The following FMNL2 variants were observed in gnomAD, a reference collection of about 807,000 sequenced individuals.
The protein encoded by FMNL2 is formin-like protein 2.
A neutral mutation model predicts 130.2 loss-of-function variants in FMNL2; 51 were observed. The observed-to-expected ratio is 0.39, with a 90% CI of 0.31 to 0.49. FMNL2 has a LOEUF of 0.49. Among genes scored for constraint, FMNL2 ranks in the 20% least tolerant of loss-of-function variants. The probability of loss-of-function intolerance (pLI) is 0.85; values close to 1 mark genes in which losing one functional copy is unlikely to be tolerated. For synonymous variants in FMNL2, 465 were observed against 467.1 expected (o/e 1.00, Z 0.06); for missense variants, 977 against 1,316.2 (o/e 0.74, Z 3.99).
intron 22 of FMNL2, 130 bp from the exon 23 acceptor site, chr2:152,637,443 G>A: frequency 2.9e-6 from 2 of 687,338 alleles, no homozygotes; most frequent in Non-Finnish European, 5.1e-6. Context: ...TGGGAGGTAA[G>A]GGAGGTGCAG....
intron 9 of FMNL2, among the ~76,000 whole-genome samples, chr2:152,600,782 A>T (rs1175538060): frequency 6.6e-6 from 1 of 151,842 alleles, no homozygotes; most frequent in East Asian, 1.9e-4. Context: ...CCTTTACATG[A>T]AAATGAATCT....
At chr2:152,529,753 G>C (rs1157238406) in intron 2 of FMNL2, among the ~76,000 whole-genome samples, 1 of 152,150 alleles carries the variant, frequency 6.6e-6, no homozygotes, top group Admixed American at 6.6e-5. Flanking sequence ...CTACCCTACA[G>C]AGATTGGAGT....
rs760906377 is a variant in FMNL2 at position 152,619,123 on chromosome 2, C to T, written c.1592C>T (p.Pro531Leu). Residue 531 changes from proline to leucine, a missense_variant, in exon 14 of 26, where the codon CCA (proline) becomes CTA (leucine). This residue lies in a region of FMNL2 where 689 missense variants were observed against 995.9 expected (regional missense o/e 0.69). Coordinates refer to ENST00000288670, the MANE Select transcript of FMNL2 (RefSeq NM_052905.4). ...ASSGPLPPPP[P>L]PLPPSSDTPE... is the part of the protein sequence containing the mutation. Reference sequence around the variant, plus strand: ...TCAGGACCCTTGCCCCCTCCTCCACCACCACTGCCTCCCTCATCAGACACA... The same window carrying T: ...TCAGGACCCTTGCCCCCTCCTCCACTACCACTGCCTCCCTCATCAGACACA... 1 of 1,595,920 alleles carries T rather than the reference C, an allele frequency of 6.3e-7. No individual in the cohort carries two copies. Among genetic ancestry groups the T allele is most frequent in the Admixed American group, 1.7e-5 (1 of 57,408 alleles).
At chr2:152,470,987 A>T (rs531208442) in intron 1 of FMNL2, among the ~76,000 whole-genome samples, 1 of 152,330 alleles carries the variant, frequency 6.6e-6, no homozygotes, top group Admixed American at 6.5e-5. Context: ...CCACCAGCTA[A>T]CTGTCATTGC....
chr2:152,592,425 C>G (rs1453426928), intron 9 of FMNL2, among the ~76,000 whole-genome samples: 1 of 152,058 alleles, frequency 6.6e-6, no homozygotes, highest in Non-Finnish European at 1.5e-5. Flanking sequence ...ATGTGGGGGT[C>G]TCTCGTCAAT....
At chr2:152,632,681 G>T (rs1005995221) in intron 21 of FMNL2, among the ~76,000 whole-genome samples, 1 of 152,146 alleles carries the variant, frequency 6.6e-6, no homozygotes, top group Non-Finnish European at 1.5e-5. Flanking sequence ...AGAAAATTGA[G>T]ATTTTTCGAG....
chr2:152,620,947 A>C, intron 15 of FMNL2: 2 of 985,428 alleles, frequency 2.0e-6, no homozygotes, highest in South Asian at 4.7e-5. Context: ...TTCCCCGTCT[A>C]CCACTTTCTT....
At chr2:152,408,103 T>C (rs1686090766) in intron 1 of FMNL2, among the ~76,000 whole-genome samples, 1 of 152,206 alleles carries the variant, frequency 6.6e-6, no homozygotes, top group Non-Finnish European at 1.5e-5. Context: ...GGATTAGTGT[T>C]GTTCCCAGCT....
intron 23 of FMNL2, 76 bp downstream of exon 23, chr2:152,637,750 C>A: frequency 7.8e-7 from 1 of 1,285,870 alleles, no homozygotes; most frequent in Non-Finnish European, 1.1e-6. Context: ...TCCCAACTCT[C>A]TGCAGAGGCC....
intron 6 of FMNL2, among the ~76,000 whole-genome samples, chr2:152,566,706 A>T (rs940387482): frequency 2.0e-5 from 3 of 152,206 alleles, no homozygotes; most frequent in Non-Finnish European, 4.4e-5. Flanking sequence ...TTAAGTATAT[A>T]TATGTTTGTG....
At chr2:152,431,965 TAAAA>T (rs60639670) in intron 1 of FMNL2, among the ~76,000 whole-genome samples, 1 of 82,174 alleles carries the variant, frequency 1.2e-5, no homozygotes, top group African/African-American at 6.4e-5. Context: ...ACCCTATCTT[TAAAA>T]AAAAAAAAAA....
chr2:152,499,691 C>G (rs1410621938), intron 1 of FMNL2, among the ~76,000 whole-genome samples: 2 of 152,158 alleles, frequency 1.3e-5, no homozygotes, highest in Non-Finnish European at 2.9e-5. Context: ...TAGGTTTCTG[C>G]TGGCAGATGG....
intron 1 of FMNL2, among the ~76,000 whole-genome samples, chr2:152,477,384 T>C (rs2105212330): frequency 6.6e-6 from 1 of 152,328 alleles, no homozygotes; most frequent in East Asian, 1.9e-4. Context: ...TCTTCATCTA[T>C]AAAATGAGGA....
chr2:152,341,758 A>G (rs1410372239), intron 1 of FMNL2, among the ~76,000 whole-genome samples: 1 of 152,250 alleles, frequency 6.6e-6, no homozygotes, highest in Non-Finnish European at 1.5e-5. Context: ...AAATGTGTGT[A>G]GGGGTGTTCT....
At chr2:152,527,664 G>A (rs1693462431) in intron 2 of FMNL2, among the ~76,000 whole-genome samples, 1 of 151,682 alleles carries the variant, frequency 6.6e-6, no homozygotes, top group African/African-American at 2.4e-5. Flanking sequence ...ATATCACTAC[G>A]AACTCATGAA....
At chr2:152,501,843 T>G (rs1184314719) in intron 1 of FMNL2, among the ~76,000 whole-genome samples, 1 of 152,218 alleles carries the variant, frequency 6.6e-6, no homozygotes, top group Non-Finnish European at 1.5e-5. Context: ...GATTTACATA[T>G]TGGCAGAAGG....
chr2:152,600,606 G>A lies in FMNL2; in HGVS notation c.877-6733G>A, dbSNP rs73971911. 7.2e-3 allele frequency among the ~76,000 whole-genome samples: 1,098 copies of A among 152,146 alleles called. 16 individuals are homozygous for A. Among genetic ancestry groups the A allele is most frequent in the African/African-American group, 0.022 (920 of 41,502 alleles). Reference sequence around the variant, plus strand: ...CCTTTAGGGAAAGCATCCCCTAACCGCCGCCCACCCTTTGAGATGCTTTAA... The same window carrying A: ...CCTTTAGGGAAAGCATCCCCTAACCACCGCCCACCCTTTGAGATGCTTTAA... On this transcript the variant is annotated intron_variant, in intron 9 of 25. Transcript: ENST00000288670.
At chr2:152,424,516 G>T (rs147794244) in intron 1 of FMNL2, among the ~76,000 whole-genome samples, 1 of 151,606 alleles carries the variant, frequency 6.6e-6, no homozygotes, top group Non-Finnish European at 1.5e-5. Flanking sequence ...TCAGCCTCCC[G>T]AATAGCTGGG....
intron 2 of FMNL2, 108 bp from the exon 3 acceptor site, chr2:152,542,631 T>G: frequency 9.4e-7 from 1 of 1,064,284 alleles, no homozygotes; most frequent in Non-Finnish European, 1.4e-6. Flanking sequence ...CAGGGCCACA[T>G]TTATACTGTG....
Sources: gnomAD v4.1 joint callset for allele counts (sites outside exome capture counted in the v4.1 genomes callset) on GRCh38, gnomAD v4.1.1 for gene constraint, gnomAD v4.1.1 regional missense constraint, MANE v1.5 for transcripts, NCBI Gene and HGNC (gene_info 2026-07-23, HGNC 2026-07-21) for gene names.